Variants in CNTN4 observed in about 807,000 individuals in gnomAD.
CNTN4 encodes contactin 4, also known as contactin-4.
CNTN4 carries 77 observed loss-of-function variants against 122.5 expected under a neutral mutation model. The observed-to-expected ratio is 0.63, with a 90% CI of 0.52 to 0.76. CNTN4 has a LOEUF of 0.76. Among genes scored for constraint, CNTN4 ranks in the 30% least tolerant of loss-of-function variants. The pLI is 0.00. For missense variants in CNTN4, 1,256 were observed against 1,259.1 expected, an observed-to-expected ratio of 1.00 and a Z score of 0.04; for synonymous variants, 512 against 447.0, an observed-to-expected ratio of 1.15 and a Z score of -1.83.
chr3:2,345,069 A>G (rs1251781495), intron 3 of CNTN4, among the ~76,000 whole-genome samples: 3 of 152,198 alleles, frequency 2.0e-5, no homozygotes, highest in African/African-American at 4.8e-5. Context: ...CAGAGGTAAC[A>G]TTACCTGTGC....
chr3:2,600,005 C>CTTTTTTTTTTTTTT lies in CNTN4; in HGVS notation c.55+28449_55+28450insTTTTTTTTTTTTTT, dbSNP rs1220761684. Among the ~76,000 whole-genome samples, 22 of 28,268 alleles carry CTTTTTTTTTTTTTT rather than the reference C, an allele frequency of 7.8e-4. 5 individuals carry two copies. The highest frequency in any genetic ancestry group is 1.8e-3 in the Non-Finnish European group (19 of 10,616). 18.5% of individuals were successfully genotyped at this position (28,268 alleles called of 152,430 possible). A position where few individuals can be genotyped will look rare whatever the true frequency, so the allele number is the denominator to read the frequency against. On this transcript the variant is annotated intron_variant, in intron 4 of 24. Transcript: ENST00000418658. ...CAACTCTATTTTGGTTTATGGAATT[C>CTTTTTTTTTTTTTT]TTCTTTTTTTTTTTTTTTTTTTTTT...
intron 6 of CNTN4, among the ~76,000 whole-genome samples, chr3:2,779,852 A>G (rs1395595797): frequency 6.6e-6 from 1 of 152,254 alleles, no homozygotes; most frequent in East Asian, 1.9e-4. Context: ...GCCTTCATAA[A>G]GATAATTGGC....
intron 3 of CNTN4, among the ~76,000 whole-genome samples, chr3:2,424,132 C>G (rs982860950): frequency 1.3e-5 from 2 of 149,256 alleles, no homozygotes; most frequent in Admixed American, 6.8e-5. Context: ...TTGTTACATA[C>G]GTATACATCT....
intron 2 of CNTN4, among the ~76,000 whole-genome samples, chr3:2,165,785 A>G (rs540659003): frequency 1.3e-5 from 2 of 151,762 alleles, no homozygotes; most frequent in Non-Finnish European, 2.9e-5. Context: ...ATCACGCAGT[A>G]TTTTTCTTTC....
At chr3:2,184,565 T>C (rs558073172) in intron 2 of CNTN4, among the ~76,000 whole-genome samples, 39 of 152,194 alleles carry the variant, frequency 2.6e-4, no homozygotes, top group Non-Finnish European at 4.7e-4. Context: ...TGAATGTTTG[T>C]GTCCCCTCCA....
intron 3 of CNTN4, among the ~76,000 whole-genome samples, chr3:2,438,680 GT>G (rs1194149972): frequency 1.3e-5 from 2 of 152,194 alleles, no homozygotes; most frequent in African/African-American, 4.8e-5. Flanking sequence ...ACTCAGTACA[GT>G]TAATGATATT....
intron 4 of CNTN4, among the ~76,000 whole-genome samples, chr3:2,716,496 A>G (rs976464759): frequency 1.3e-5 from 2 of 152,084 alleles, no homozygotes; most frequent in African/African-American, 4.8e-5. Context: ...ATGATTATGT[A>G]TGTGTCATGT....
intron 3 of CNTN4, among the ~76,000 whole-genome samples, chr3:2,492,028 AT>A (rs1374874034): frequency 6.6e-6 from 1 of 151,962 alleles, no homozygotes; most frequent in Non-Finnish European, 1.5e-5. Context: ...ACTATATCAC[AT>A]TGTTTTGATT....
At chr3:2,640,921 T>C (rs2082871135) in intron 4 of CNTN4, among the ~76,000 whole-genome samples, 1 of 152,152 alleles carries the variant, frequency 6.6e-6, no homozygotes, top group Non-Finnish European at 1.5e-5. Flanking sequence ...AAGGAGGCAG[T>C]ATCAGAGTGC....
chr3:2,119,076 A>G (rs1025685360), intron 2 of CNTN4, among the ~76,000 whole-genome samples: 1 of 152,268 alleles, frequency 6.6e-6, no homozygotes, highest in Admixed American at 6.5e-5. Context: ...TGAATAAAGC[A>G]GATCCATAAT....
At chr3:2,468,732 A>G (rs2075589419) in intron 3 of CNTN4, among the ~76,000 whole-genome samples, 1 of 151,860 alleles carries the variant, frequency 6.6e-6, no homozygotes, top group African/African-American at 2.4e-5. Context: ...CTATGCTTCT[A>G]AGTATCTTCG....
chr3:2,833,147 A>G (rs1020620387), intron 7 of CNTN4, among the ~76,000 whole-genome samples: 8 of 152,224 alleles, frequency 5.3e-5, no homozygotes, highest in African/African-American at 1.9e-4. Flanking sequence ...GAATGGATGC[A>G]TCTCCACTGT....
chr3:2,316,532 G>A (rs2043105534), intron 2 of CNTN4, among the ~76,000 whole-genome samples: 1 of 151,992 alleles, frequency 6.6e-6, no homozygotes, highest in Non-Finnish European at 1.5e-5. Flanking sequence ...TTTTTCTTAA[G>A]AGAATCCTGC....
intron 4 of CNTN4, among the ~76,000 whole-genome samples, chr3:2,705,620 TA>T (rs1452737082): frequency 3.4e-5 from 1 of 29,782 alleles, no homozygotes; most frequent in Non-Finnish European, 5.7e-5. Flanking sequence ...TATTTATATA[TA>T]ATATATAAAT....
At chr3:2,200,631 G>A (rs2038053806) in intron 2 of CNTN4, among the ~76,000 whole-genome samples, 1 of 152,170 alleles carries the variant, frequency 6.6e-6, no homozygotes, top group Non-Finnish European at 1.5e-5. Context: ...GTGGTTGTGA[G>A]GACCAGCTAA....
At chr3:2,708,834 C>G (rs1313319249) in intron 4 of CNTN4, among the ~76,000 whole-genome samples, 1 of 152,092 alleles carries the variant, frequency 6.6e-6, no homozygotes, top group Non-Finnish European at 1.5e-5. Context: ...AATAAGTACA[C>G]AAATGCAGTT....
chr3:2,998,959 G>A (rs1373893168), intron 14 of CNTN4: 1 of 152,158 alleles, frequency 6.6e-6, no homozygotes, highest in African/African-American at 2.4e-5. Context: ...AAATTATGTT[G>A]TAATTATATT....
intron 3 of CNTN4, among the ~76,000 whole-genome samples, chr3:2,493,630 C>T (rs1054881548): frequency 1.3e-5 from 2 of 151,744 alleles, no homozygotes; most frequent in East Asian, 3.9e-4. Context: ...AGCTGCCAAC[C>T]AATATCCTTT....
At chr3:2,129,815 A>G (rs1472034602) in intron 2 of CNTN4, among the ~76,000 whole-genome samples, 1 of 151,990 alleles carries the variant, frequency 6.6e-6, no homozygotes, top group Non-Finnish European at 1.5e-5. Flanking sequence ...TACATAGTAT[A>G]TATATAAATG....
Sources: allele counts gnomAD v4.1 joint callset (sites outside exome capture counted in the v4.1 genomes callset), GRCh38; gene constraint gnomAD v4.1.1; transcripts MANE v1.5; gene names NCBI Gene and HGNC (gene_info 2026-07-23, HGNC 2026-07-21).